The following ERBB4 variants were observed in gnomAD, a reference collection of about 807,000 sequenced individuals.
The protein encoded by ERBB4 is erb-b2 receptor tyrosine kinase 4.
Under a neutral mutation model 158.0 loss-of-function variants are expected in ERBB4, and 42 were observed. That is an observed-to-expected ratio of 0.27 (90% CI 0.21 to 0.34). The LOEUF (loss-of-function observed/expected upper bound fraction) is 0.34. ERBB4 is among the 10% of genes least tolerant of loss of function. ERBB4 has a pLI of 1.00. For missense variants in ERBB4, 1,333 were observed against 1,624.1 expected (o/e 0.82, Z 3.08); for synonymous variants, 583 against 558.7 (o/e 1.04, Z -0.61).
At chr2:212,033,890 A>G (rs1373786906) in intron 2 of ERBB4, among the ~76,000 whole-genome samples, 1 of 151,958 alleles carries the variant, frequency 6.6e-6, no homozygotes, top group Admixed American at 6.6e-5. Flanking sequence ...TCTATAATGA[A>G]ATAGTATAAG....
intron 2 of ERBB4, among the ~76,000 whole-genome samples, chr2:212,014,338 G>A (rs1251372349): frequency 6.6e-6 from 1 of 152,154 alleles, no homozygotes; most frequent in Non-Finnish European, 1.5e-5. Flanking sequence ...CTCTACTCTT[G>A]CCTGCTTAGA....
rs138651374 is a variant in ERBB4, at chr2:211,522,547, G to C, written c.2487+39356C>G. On this transcript the variant is annotated intron_variant, in intron 20 of 27. Coordinates refer to ENST00000342788, the MANE Select transcript of ERBB4 (RefSeq NM_005235.3). ...GAGTATTATATAAACTTAGTTGATG[G>C]AGGAGCAGCAGGGTTTGGGAGAATT... 1.4e-3 allele frequency among the ~76,000 whole-genome samples: 220 copies of C among 152,276 alleles called. 5 individuals are homozygous for C. Among genetic ancestry groups the C allele is most frequent in the South Asian group, 8.3e-4 (4 of 4,828 alleles).
chr2:211,958,178 T>TA (rs1165730585), intron 2 of ERBB4, among the ~76,000 whole-genome samples: 4 of 152,166 alleles, frequency 2.6e-5, no homozygotes, highest in South Asian at 2.1e-4. Context: ...AATTAATTTA[T>TA]AAAAAAACAA....
intron 7 of ERBB4, among the ~76,000 whole-genome samples, chr2:211,713,955 T>C (rs556140670): frequency 3.3e-5 from 5 of 152,340 alleles, no homozygotes; most frequent in African/African-American, 1.2e-4. Context: ...TGTGTGTCAA[T>C]AGTTCCACTT....
chr2:211,951,319 A>G (rs971212310), intron 2 of ERBB4, among the ~76,000 whole-genome samples: 3 of 152,102 alleles, frequency 2.0e-5, no homozygotes, highest in African/African-American at 7.2e-5. Flanking sequence ...ATTAATAGTA[A>G]TTTTTCAGTG....
intron 20 of ERBB4, among the ~76,000 whole-genome samples, chr2:211,471,074 G>C (rs573071770): frequency 8.5e-4 from 129 of 152,242 alleles, no homozygotes; most frequent in African/African-American, 3.0e-3. Context: ...GGCTACCGAA[G>C]ACCATTATAA....
At chr2:211,857,568 AAAGAAT>A (rs2077903242) in intron 3 of ERBB4, among the ~76,000 whole-genome samples, 1 of 152,206 alleles carries the variant, frequency 6.6e-6, no homozygotes, top group African/African-American at 2.4e-5. Flanking sequence ...TAAAAATACA[AAAGAAT>A]AAAAGGAATA....
chr2:211,712,199 T>C (rs764276043), intron 8 of ERBB4, 23 bp from the exon 9 acceptor site: 2 of 1,612,840 alleles, frequency 1.2e-6, no homozygotes, highest in Non-Finnish European at 1.7e-6. Flanking sequence ...GACTCAGAGT[T>C]AGGGGATTGA....
intron 1 of ERBB4, among the ~76,000 whole-genome samples, chr2:212,187,628 A>G (rs2082054195): frequency 6.6e-6 from 1 of 152,144 alleles, no homozygotes; most frequent in Admixed American, 6.6e-5. Flanking sequence ...CAGCATTTAA[A>G]AATATTCAAT....
At chr2:212,459,479 T>C (rs2106061900) in intron 1 of ERBB4, among the ~76,000 whole-genome samples, 1 of 152,270 alleles carries the variant, frequency 6.6e-6, no homozygotes, top group African/African-American at 2.4e-5. Flanking sequence ...ACATACCATA[T>C]TCATGAATTG....
intron 1 of ERBB4, among the ~76,000 whole-genome samples, chr2:212,286,784 T>TTTTTTTTTTTTTTTTTTTC (rs2085998744): frequency 8.1e-6 from 1 of 122,974 alleles, no homozygotes. Context: ...TTTTTTTTTT[T>TTTTTTTTTTTTTTTTTTTC]TTTTTTGTAG....
chr2:212,511,311 C>T (rs762087266), intron 1 of ERBB4, among the ~76,000 whole-genome samples: 2 of 152,148 alleles, frequency 1.3e-5, no homozygotes, highest in African/African-American at 4.8e-5. Flanking sequence ...ACCTTCCATC[C>T]TAACCACACA....
intron 15 of ERBB4, among the ~76,000 whole-genome samples, chr2:211,661,302 C>T (rs1313201167): frequency 6.6e-6 from 1 of 152,084 alleles, no homozygotes; most frequent in African/African-American, 2.4e-5. Flanking sequence ...CAATTTGCAT[C>T]CATTCAGCCA....
intron 3 of ERBB4, among the ~76,000 whole-genome samples, chr2:211,946,822 G>A (rs942052149): frequency 6.6e-6 from 1 of 151,532 alleles, no homozygotes; most frequent in African/African-American, 2.4e-5. Context: ...AATTCCTATC[G>A]AGTGTTTTTC....
chr2:212,099,144 AAAATAAATAAATAAATAAATAAAT>A (rs59327182), intron 2 of ERBB4, among the ~76,000 whole-genome samples: 4 of 142,972 alleles, frequency 2.8e-5, no homozygotes, highest in Admixed American at 1.4e-4. Context: ...GCCCCTCTCT[AAAATAAATAAATAAATAAATAAAT>A]AAATAAATAA....
intron 20 of ERBB4, among the ~76,000 whole-genome samples, chr2:211,477,826 T>C (rs953872613): frequency 6.6e-6 from 1 of 152,134 alleles, no homozygotes; most frequent in African/African-American, 2.4e-5. Flanking sequence ...TCTTTGCCTT[T>C]GTGGAACGAC....
rs577412772 is a variant in ERBB4, at chr2:212,202,025, AC to A, written c.83-77123del. On this transcript the variant is annotated intron_variant, in intron 1 of 27. Transcript: ENST00000342788. ...TTGCCTTATTCATTCTGTATACTGA[AC>A]AATAATAGCAACATTCATGAAATGT... 7.9e-5 allele frequency among the ~76,000 whole-genome samples: 12 copies of A among 152,320 alleles called. No individual in the cohort carries two copies. In the South Asian group the frequency reaches 2.5e-3, roughly 32 times the overall value.
chr2:212,474,468 G>A (rs1384289), intron 1 of ERBB4, among the ~76,000 whole-genome samples: 13,438 of 152,056 alleles, frequency 0.088, 1,585 homozygotes, highest in African/African-American at 0.27. Context: ...TATGGTATTA[G>A]TATGTCTCAG....
At chr2:212,144,160 A>AT (rs2080583768) in intron 1 of ERBB4, among the ~76,000 whole-genome samples, 1 of 152,016 alleles carries the variant, frequency 6.6e-6, no homozygotes, top group Admixed American at 6.6e-5. Context: ...ATGCATGCTA[A>AT]CTTTTTTTCA....
Sources: gnomAD v4.1 joint callset for allele counts (sites outside exome capture counted in the v4.1 genomes callset) on GRCh38, gnomAD v4.1.1 for gene constraint, MANE v1.5 for transcripts, NCBI Gene and HGNC (gene_info 2026-07-23, HGNC 2026-07-21) for gene names.